The following NME7 variants were observed in gnomAD, a reference collection of about 807,000 sequenced individuals.
NME7 encodes NME/NM23 family member 7.
NME7 carries 41 observed loss-of-function variants against 49.1 expected under a neutral mutation model. That is an observed-to-expected ratio of 0.83 (90% CI 0.65 to 1.08). The LOEUF is 1.08. Among genes scored for constraint, NME7 ranks in the 50% least tolerant of loss-of-function variants. The probability of loss-of-function intolerance (pLI) is 0.00; values close to 1 mark genes in which losing one functional copy is unlikely to be tolerated. For synonymous variants in NME7, 139 were observed against 150.6 expected, an observed-to-expected ratio of 0.92 and a Z score of 0.56; for missense variants, 423 against 463.4, an observed-to-expected ratio of 0.91 and a Z score of 0.80.
At chr1:169,237,151 C>A (rs759589951) in intron 8 of NME7, among the ~76,000 whole-genome samples, 1 of 151,968 alleles carries the variant, frequency 6.6e-6, no homozygotes, top group Non-Finnish European at 1.5e-5. Context: ...CTAGAATACA[C>A]TAACTCCAAA....
At chr1:169,316,247 C>T (rs10919133) in intron 3 of NME7, among the ~76,000 whole-genome samples, 1 of 151,632 alleles carries the variant, frequency 6.6e-6, no homozygotes, top group Non-Finnish European at 1.5e-5. Context: ...CCAAAAACAA[C>T]AATAATAACA....
chr1:169,309,288 T>C (rs146067096), intron 4 of NME7, among the ~76,000 whole-genome samples: 63 of 152,308 alleles, frequency 4.1e-4, no homozygotes, highest in African/African-American at 1.4e-3. Context: ...ACTTTGCTTA[T>C]CTTTAAGAAA....
intron 4 of NME7, among the ~76,000 whole-genome samples, chr1:169,307,899 A>G (rs1248310500): frequency 6.6e-6 from 1 of 151,960 alleles, no homozygotes; most frequent in African/African-American, 2.4e-5. Context: ...GTGCTCCTGT[A>G]GTTCCAGCTA....
chr1:169,233,325 AC>A (rs1045911018), intron 9 of NME7, among the ~76,000 whole-genome samples: 1 of 152,082 alleles, frequency 6.6e-6, no homozygotes, highest in African/African-American at 2.4e-5. Flanking sequence ...AATTTTTTTC[AC>A]CCTCTTGAAT....
intron 10 of NME7, among the ~76,000 whole-genome samples, chr1:169,213,967 A>G (rs1446654016): frequency 6.6e-6 from 1 of 152,092 alleles, no homozygotes; most frequent in Non-Finnish European, 1.5e-5. Flanking sequence ...GATTGGTGGT[A>G]ATGAGCCCAC....
At chr1:169,150,952 T>C (rs1466687862) in intron 11 of NME7, among the ~76,000 whole-genome samples, 1 of 152,174 alleles carries the variant, frequency 6.6e-6, no homozygotes, top group Non-Finnish European at 1.5e-5. Context: ...AATTTGCATA[T>C]CACATACTTT....
At chr1:169,314,302 GC>G (rs2101925571) in intron 3 of NME7, among the ~76,000 whole-genome samples, 1 of 151,788 alleles carries the variant, frequency 6.6e-6, no homozygotes, top group Admixed American at 6.5e-5. Flanking sequence ...ATATAATTCA[GC>G]AAAAATCCCA....
rs753866059 is a variant in NME7, at chr1:169,269,366, C to T, written c.754+17937G>A. Among the ~76,000 whole-genome samples the T allele has an allele frequency of 2.6e-4, 35 of 133,976 alleles. 9 individuals are homozygous for T. The highest frequency in any genetic ancestry group is 5.4e-4 in the Non-Finnish European group (31 of 57,108). The allele number at this position is 133,976 out of a possible 152,430, so 87.9% of individuals were successfully genotyped here. A position where few individuals can be genotyped will look rare whatever the true frequency, so the allele number is the denominator to read the frequency against. On this transcript the variant is annotated intron_variant, in intron 7 of 11. Transcript: ENST00000367811. ...GATAGAACAGAACACATTCACAAAA[C>T]TCCAAAATGGTGACATTCTAAGCAA...
At chr1:169,231,760 A>G (rs1398188435) in intron 9 of NME7, among the ~76,000 whole-genome samples, 1 of 152,144 alleles carries the variant, frequency 6.6e-6, no homozygotes, top group African/African-American at 2.4e-5. Context: ...GTACTGCACC[A>G]TAGCAGTTGG....
chr1:169,322,692 A>C (rs1003953356), intron 3 of NME7, among the ~76,000 whole-genome samples: 1 of 151,138 alleles, frequency 6.6e-6, no homozygotes, highest in Non-Finnish European at 1.5e-5. Flanking sequence ...ATATATATAT[A>C]TCTGTTAACA....
At chr1:169,205,477 A>G (rs1297797157) in intron 10 of NME7, among the ~76,000 whole-genome samples, 1 of 152,162 alleles carries the variant, frequency 6.6e-6, no homozygotes, top group Non-Finnish European at 1.5e-5. Flanking sequence ...GAAAAGTAAG[A>G]AAAATCCATA....
In NME7 at chr1:169,134,787, A is replaced by G. The variant is rs541743440; in HGVS notation, c.1099-1970T>C. Among the ~76,000 whole-genome samples, 6 of 152,206 alleles carry G rather than the reference A, an allele frequency of 3.9e-5. No individual in the cohort carries two copies. The South Asian group carries it at 6.2e-4, about 16-fold the overall frequency. The stretch of plus-strand genomic sequence containing the variant: ...TTTGTTCAAGTATAGCACTGAATGG[A>G]TTTAAAGAAAAATAGTAAAATTTCA... On this transcript the variant is annotated intron_variant, in intron 11 of 11. Coordinates refer to ENST00000367811, the MANE Select transcript of NME7 (RefSeq NM_013330.5).
intron 6 of NME7, among the ~76,000 whole-genome samples, chr1:169,287,678 A>T (rs1650331667): frequency 6.6e-6 from 1 of 152,196 alleles, no homozygotes; most frequent in African/African-American, 2.4e-5. Flanking sequence ...GTGGACAAAG[A>T]TTTAATAAAT....
intron 3 of NME7, among the ~76,000 whole-genome samples, chr1:169,320,002 C>A (rs538062131): frequency 6.6e-6 from 1 of 152,284 alleles, no homozygotes; most frequent in African/African-American, 2.4e-5. Flanking sequence ...TAATACCTCA[C>A]TTATCACATG....
chr1:169,171,595 T>C (rs1659592277), intron 10 of NME7, among the ~76,000 whole-genome samples: 1 of 152,034 alleles, frequency 6.6e-6, no homozygotes, highest in East Asian at 1.9e-4. Context: ...AAACCCTGTT[T>C]CTACTAAAAA....
rs1218111907 is a variant in NME7, at chr1:169,323,214, A to C, written c.181T>G (p.Phe61Val). ...KYDNLHLEDLFIGNKVNVFSR... is the reference protein window; with the variant it reads ...KYDNLHLEDLVIGNKVNVFSR... Reference sequence around the variant, plus strand: ...AAGACATTCACTTTGTTGCCTATAAATAAATCTTCCAAGTGCAGGTTATCA... The same window carrying C: ...AAGACATTCACTTTGTTGCCTATAACTAAATCTTCCAAGTGCAGGTTATCA... The change falls in exon 3 of 12, where the codon TTT becomes GTT. Residue 61 changes from phenylalanine to valine, a missense_variant. Coordinates refer to ENST00000367811, the MANE Select transcript of NME7 (RefSeq NM_013330.5). 4 of 1,609,190 alleles carry C rather than the reference A, an allele frequency of 2.5e-6. No individual in the cohort carries two copies. In the East Asian group the frequency reaches 9.0e-5, roughly 36 times the overall value.
intron 7 of NME7, among the ~76,000 whole-genome samples, chr1:169,244,107 T>C (rs1648207671): frequency 6.6e-6 from 1 of 152,194 alleles, no homozygotes; most frequent in South Asian, 2.1e-4. Context: ...TTTGATCTTC[T>C]GAATATATAC....
intron 7 of NME7, among the ~76,000 whole-genome samples, chr1:169,238,985 G>T (rs139698344): frequency 6.6e-6 from 1 of 151,920 alleles, no homozygotes; most frequent in Admixed American, 6.6e-5. Context: ...TTTATATTTG[G>T]ACATATTTAA....
intron 10 of NME7, among the ~76,000 whole-genome samples, chr1:169,190,882 G>T (rs1571278188): frequency 1.9e-5 from 1 of 53,010 alleles, no homozygotes; most frequent in South Asian, 5.3e-4. Context: ...GCGGGATCTC[G>T]GCTCACTGCA....
Sources: gnomAD v4.1 joint callset for allele counts (sites outside exome capture counted in the v4.1 genomes callset) on GRCh38, gnomAD v4.1.1 for gene constraint, MANE v1.5 for transcripts, NCBI Gene and HGNC (gene_info 2026-07-23, HGNC 2026-07-21) for gene names.